TSPAN9: variants seen among roughly 807,000 people sequenced by gnomAD.
TSPAN9 encodes the protein tetraspanin 9, also known as tetraspanin-9.
TSPAN9 carries 16 observed loss-of-function variants against 31.0 expected under a neutral mutation model. That is an observed-to-expected ratio of 0.52 (90% CI 0.35 to 0.78). The LOEUF (loss-of-function observed/expected upper bound fraction) is 0.78, where lower values mean the gene tolerates loss of function less well. TSPAN9 is among the 30% of genes least tolerant of loss of function. The pLI, the probability that TSPAN9 is intolerant of heterozygous loss-of-function variation, is 0.01. For synonymous variants in TSPAN9, 145 were observed against 121.6 expected (o/e 1.19, Z -1.27); for missense variants, 272 against 312.5 (o/e 0.87, Z 0.98).
chr12:3,138,185 G>T (rs1158872410), intron 2 of TSPAN9, among the ~76,000 whole-genome samples: 2 of 152,218 alleles, frequency 1.3e-5, no homozygotes, highest in East Asian at 3.9e-4. Context: ...TTCCACCCCT[G>T]GGCTGGCCCC....
rs1334970657 is a variant in TSPAN9 at position 3,172,237 on chromosome 12, C to T, written c.-17-28940C>T. On this transcript the variant is annotated intron_variant, in intron 2 of 8. Coordinates refer to ENST00000011898, the MANE Select transcript of TSPAN9 (RefSeq NM_006675.5). The surrounding 1 kb of genome is among the most constrained non-coding windows in gnomAD (Gnocchi z 4.8). ...CCTTCCCCCGCCCCCACCCCAGCCT[C>T]AGCTCTCAGCGCACTGCTGGGGAGC... 1 of 152,300 alleles carries T rather than the reference C, an allele frequency of 6.6e-6. No homozygotes were observed. The highest frequency in any genetic ancestry group is 1.9e-4 in the East Asian group (1 of 5,184). The allele number at this position is 152,300 out of a possible 1,614,324, so 9.4% of individuals were successfully genotyped here. A position where few individuals can be genotyped will look rare whatever the true frequency, so the allele number is the denominator to read the frequency against.
At chr12:3,226,794 ATT>A (rs1203426057) in intron 3 of TSPAN9, among the ~76,000 whole-genome samples, 1 of 16,398 alleles carries the variant, frequency 6.1e-5, no homozygotes, top group African/African-American at 2.5e-4. Context: ...ATATATATAT[ATT>A]TTTTTTTTTT....
intron 2 of TSPAN9, among the ~76,000 whole-genome samples, chr12:3,189,497 G>C (rs1468251957): frequency 6.6e-6 from 1 of 152,192 alleles, no homozygotes; most frequent in Non-Finnish European, 1.5e-5. Flanking sequence ...CAGGGAGCCT[G>C]GTCAGGAGAC....
chr12:3,274,228 GC>G (rs1281070716), intron 3 of TSPAN9, among the ~76,000 whole-genome samples: 4 of 152,216 alleles, frequency 2.6e-5, no homozygotes, highest in Non-Finnish European at 5.9e-5. Context: ...TCCCTGGGGA[GC>G]AGAATTGCTC....
chr12:3,099,263 A>G (rs74057511), intron 2 of TSPAN9, among the ~76,000 whole-genome samples: 11,461 of 152,088 alleles, frequency 0.075, 1,488 homozygotes, highest in African/African-American at 0.26. Context: ...TTCTATTGCT[A>G]TGTCTTCAAG....
intron 2 of TSPAN9, among the ~76,000 whole-genome samples, chr12:3,099,323 G>A (rs1413171833): frequency 6.6e-6 from 1 of 152,068 alleles, no homozygotes; most frequent in Non-Finnish European, 1.5e-5. Flanking sequence ...ATTCCCTCTG[G>A]TGTATTTTTC....
At chr12:3,148,507 G>T (rs1346302169) in intron 2 of TSPAN9, among the ~76,000 whole-genome samples, 2 of 152,214 alleles carry the variant, frequency 1.3e-5, no homozygotes, top group Admixed American at 1.3e-4. Context: ...CAGCGGTGGG[G>T]CTGTGGCTGG....
At chr12:3,167,480 T>G (rs973404578) in intron 2 of TSPAN9, among the ~76,000 whole-genome samples, 1 of 152,242 alleles carries the variant, frequency 6.6e-6, no homozygotes, top group Admixed American at 6.5e-5. Flanking sequence ...TTATCTCTTG[T>G]GTACTTTTGC....
chr12:3,092,126 G>C (rs2153963309), intron 2 of TSPAN9, among the ~76,000 whole-genome samples: 1 of 152,318 alleles, frequency 6.6e-6, no homozygotes, highest in East Asian at 1.9e-4. Context: ...ACTGGATAGA[G>C]CTCCTCAGCC....
rs74679400 is a variant in TSPAN9 at position 3,245,760 on chromosome 12, G to A, written c.64-32661G>A. Among the ~76,000 whole-genome samples, 1,026 of 152,308 alleles carry A rather than the reference G, an allele frequency of 6.7e-3. 5 individuals are homozygous for A. Among genetic ancestry groups the A allele is most frequent in the African/African-American group, 0.023 (954 of 41,590 alleles). The stretch of plus-strand genomic sequence containing the variant: ...GACCGGCCCGTGGCACGGAGCCATC[G>A]TCAGCATGGATGCTGTATCTTATCT... On this transcript the variant is annotated intron_variant, in intron 3 of 8. Transcript: ENST00000011898.
chr12:3,274,823 C>T (rs73048943), intron 3 of TSPAN9, among the ~76,000 whole-genome samples: 2 of 152,242 alleles, frequency 1.3e-5, no homozygotes, highest in Non-Finnish European at 2.9e-5. Context: ...CGCTGTACTG[C>T]ACAGGCCTCC....
intron 2 of TSPAN9, among the ~76,000 whole-genome samples, chr12:3,091,075 T>C (rs2098304281): frequency 6.6e-6 from 1 of 152,254 alleles, no homozygotes; most frequent in African/African-American, 2.4e-5. Context: ...TGCCAAGAGC[T>C]TGTCTTCTTG....
chr12:3,123,035 G>A (rs513374), intron 2 of TSPAN9, among the ~76,000 whole-genome samples: 25,078 of 152,112 alleles, frequency 0.16, 2,167 homozygotes, highest in Middle Eastern at 0.22. Flanking sequence ...CTCCCAAACA[G>A]GGAGGCGGCC....
intron 3 of TSPAN9, among the ~76,000 whole-genome samples, chr12:3,268,548 G>T (rs1376016299): frequency 8.3e-6 from 1 of 120,172 alleles, no homozygotes; most frequent in African/African-American, 3.2e-5. Flanking sequence ...CTGTGTTCCT[G>T]CAGCCTGCCC....
At chr12:3,275,483 C>G (rs1862764867) in intron 3 of TSPAN9, among the ~76,000 whole-genome samples, 1 of 152,218 alleles carries the variant, frequency 6.6e-6, no homozygotes, top group South Asian at 2.1e-4. Context: ...ATCATAAATT[C>G]TCCATGGTAT....
chr12:3,180,789 T>C (rs2098358242), intron 2 of TSPAN9, among the ~76,000 whole-genome samples: 1 of 152,194 alleles, frequency 6.6e-6, no homozygotes, highest in Non-Finnish European at 1.5e-5. Context: ...CTTTCTAAAA[T>C]AAATTTGATC....
chr12:3,118,846 C>T (rs1224115296), intron 2 of TSPAN9, among the ~76,000 whole-genome samples: 2 of 152,176 alleles, frequency 1.3e-5, no homozygotes, highest in African/African-American at 4.8e-5. Flanking sequence ...TCCCTCCGGC[C>T]CCTCCAGAGA....
chr12:3,182,990 C>T (rs1310158229), intron 2 of TSPAN9, among the ~76,000 whole-genome samples: 1 of 152,224 alleles, frequency 6.6e-6, no homozygotes, highest in Non-Finnish European at 1.5e-5. Context: ...GGGACTGAGG[C>T]TCGGAATACT....
chr12:3,220,680 G>T (rs1206375062), intron 3 of TSPAN9, among the ~76,000 whole-genome samples: 1 of 152,210 alleles, frequency 6.6e-6, no homozygotes, highest in Non-Finnish European at 1.5e-5. Flanking sequence ...GCCCTGGCCT[G>T]TGGGGGATGT....
Sources: gnomAD v4.1 joint callset for allele counts (sites outside exome capture counted in the v4.1 genomes callset) on GRCh38, gnomAD v4.1.1 for gene constraint, Gnocchi (gnomAD v3.1) non-coding constraint, MANE v1.5 for transcripts, NCBI Gene and HGNC (gene_info 2026-07-23, HGNC 2026-07-21) for gene names.